The following MTR variants were observed in gnomAD, a reference collection of about 807,000 sequenced individuals.
MTR encodes methionine synthase.
In MTR, 84 loss-of-function variants were observed where a neutral mutation model predicts 154.8. The ratio of observed to expected loss-of-function variants is 0.54; its 90% confidence interval spans 0.45 to 0.65. MTR has a LOEUF of 0.65. MTR is among the 30% of genes least tolerant of loss of function. The pLI is 0.00. For synonymous variants in MTR, 554 were observed against 553.9 expected, an observed-to-expected ratio of 1.00 and a Z score of 0.00; for missense variants, 1,275 against 1,570.2, an observed-to-expected ratio of 0.81 and a Z score of 3.18.
At chr1:236,880,959 T>C in intron 25 of MTR, 123 bp downstream of exon 25, 1 of 978,818 alleles carries the variant, frequency 1.0e-6, no homozygotes, top group South Asian at 1.4e-5. Flanking sequence ...AAGAGCAGCC[T>C]GAGGCTCATG....
At chr1:236,876,770 T>A (rs560554190) in intron 24 of MTR, among the ~76,000 whole-genome samples, 1 of 152,066 alleles carries the variant, frequency 6.6e-6, no homozygotes, top group East Asian at 1.9e-4. Flanking sequence ...ATTGGCAAAA[T>A]TAGCTTGCTA....
chr1:236,825,063 G>C (rs12060264), intron 9 of MTR, among the ~76,000 whole-genome samples: 77 of 151,396 alleles, frequency 5.1e-4, no homozygotes, highest in African/African-American at 1.4e-3. Flanking sequence ...GGTGGGGTTG[G>C]GGGTATTCTG....
intron 15 of MTR, among the ~76,000 whole-genome samples, chr1:236,847,396 TG>T (rs989764738): frequency 2.6e-5 from 4 of 152,242 alleles, no homozygotes; most frequent in African/African-American, 9.6e-5. Context: ...GTGTCTGCCT[TG>T]ATGACCAAAT....
chr1:236,882,391 ATT>A (rs34832362), intron 25 of MTR, among the ~76,000 whole-genome samples: 1,589 of 134,354 alleles, frequency 0.012, 25 homozygotes, highest in African/African-American at 0.033. Flanking sequence ...CCCCTTCACC[ATT>A]TTTTTTTTTT....
At chr1:236,878,753 T>C (rs1665569750) in intron 24 of MTR, among the ~76,000 whole-genome samples, 2 of 152,190 alleles carry the variant, frequency 1.3e-5, no homozygotes, top group South Asian at 4.1e-4. Context: ...AAGAGTTCAA[T>C]AGATTTGGGG....
chr1:236,800,813 G>A (rs1164567818), intron 1 of MTR, among the ~76,000 whole-genome samples: 1 of 152,132 alleles, frequency 6.6e-6, no homozygotes, highest in Non-Finnish European at 1.5e-5. Context: ...TGACTTAAGA[G>A]GTCCAGTTCT....
In MTR at chr1:236,860,177, G is replaced by T. The variant is rs558363184; in HGVS notation, c.2043+255G>T. ...TATTACTGGCATCCTATGGCCAGGGGTGCTGCTAAACATCCTGCAGTGCCC... is the reference window on the plus strand; with the variant it reads ...TATTACTGGCATCCTATGGCCAGGGTTGCTGCTAAACATCCTGCAGTGCCC... On this transcript the variant is annotated intron_variant, in intron 19 of 32. Transcript: ENST00000366577. Among the ~76,000 whole-genome samples, 3 of 148,376 alleles carry T rather than the reference G, an allele frequency of 2.0e-5. No individual in the cohort carries two copies. The South Asian group carries it at 6.4e-4, about 32-fold the overall frequency.
At chr1:236,884,098 G>T (rs1206101284) in intron 25 of MTR, among the ~76,000 whole-genome samples, 1 of 152,072 alleles carries the variant, frequency 6.6e-6, no homozygotes, top group Admixed American at 6.5e-5. Context: ...ACAATTTAAT[G>T]AGTAGACTTC....
At position 236,811,773 on chromosome 1, in the gene MTR, C is replaced by G. The variant is rs189836549; in HGVS notation, c.503-965C>G. The G allele has an allele frequency of 8.3e-4, 367 of 440,408 alleles. 2 individuals carry two copies. The highest frequency in any genetic ancestry group is 5.8e-3 in the African/African-American group (289 of 49,534). 27.3% of individuals were successfully genotyped at this position (440,408 alleles called of 1,614,324 possible). A position where few individuals can be genotyped will look rare whatever the true frequency, so the allele number is the denominator to read the frequency against. On this transcript the variant is annotated intron_variant, in intron 5 of 32. Transcript: ENST00000366577. Reference sequence around the variant, plus strand: ...TTTAAGCAAAATGATGCATAGCAGGCCCTCAAATAATGTCATTTCCTTCAA... The same window carrying G: ...TTTAAGCAAAATGATGCATAGCAGGGCCTCAAATAATGTCATTTCCTTCAA...
intron 25 of MTR, among the ~76,000 whole-genome samples, chr1:236,884,688 G>T (rs1054192702): frequency 3.3e-5 from 5 of 152,116 alleles, no homozygotes; most frequent in Non-Finnish European, 7.3e-5. Context: ...TTTATTGGGG[G>T]TTGGTCACAT....
intron 27 of MTR, among the ~76,000 whole-genome samples, chr1:236,887,928 C>CT (rs1049057699): frequency 6.6e-6 from 1 of 152,204 alleles, no homozygotes; most frequent in Non-Finnish European, 1.5e-5. Context: ...AATCAAGGGT[C>CT]TATCTGTAGA....
chr1:236,861,277 G>A lies in MTR; in HGVS notation c.2196G>A (p.Gln732=). 1 of 1,613,742 alleles carries A rather than the reference G, an allele frequency of 6.2e-7. No homozygotes were observed. The highest frequency in any genetic ancestry group is 8.5e-7 in the Non-Finnish European group (1 of 1,179,876). ...LFGAGKMFLP[Q]VIKSARVMKK... The stretch of plus-strand genomic sequence containing the variant: ...GAGCTGGAAAAATGTTTCTACCTCA[G>A]GTTAGCAAAATATGGGGAGAAATTT... Residue 732 remains glutamine, a splice_region_variant and synonymous_variant, in exon 20 of 33, where the codon CAG becomes CAA. Coordinates refer to ENST00000366577, the MANE Select transcript of MTR (RefSeq NM_000254.3).
At chr1:236,828,040 C>T (rs775482491) in intron 11 of MTR, among the ~76,000 whole-genome samples, 18 of 151,976 alleles carry the variant, frequency 1.2e-4, no homozygotes, top group Admixed American at 7.9e-4. Context: ...TGCAGTGGTG[C>T]GATCTCGGCT....
chr1:236,888,364 A>G (rs1266818340), intron 27 of MTR, among the ~76,000 whole-genome samples: 2 of 152,258 alleles, frequency 1.3e-5, no homozygotes, highest in Non-Finnish European at 2.9e-5. Flanking sequence ...TGCCCCAGAA[A>G]GCCCAGCAGC....
At position 236,816,471 on chromosome 1, in the gene MTR, A is replaced by G. The variant is rs1288411041; in HGVS notation, c.692A>G (p.Lys231Arg). ...PIFISGTIVD[K>R]SGRTLSGQTG... ...CAGATTTCAGGGACGATCGTTGATA[A>G]AAGTGGGCGGACTCTTTCCGGACAG... Residue 231 changes from lysine to arginine, a missense_variant, in exon 8 of 33, where the codon AAA (lysine) becomes AGA (arginine). Lys to Arg is a conservative substitution (Grantham distance 26). Coordinates refer to ENST00000366577, the MANE Select transcript of MTR (RefSeq NM_000254.3). 1 of 1,614,144 alleles carries G rather than the reference A, an allele frequency of 6.2e-7. No individual in the cohort carries two copies. Among genetic ancestry groups the G allele is most frequent in the Non-Finnish European group, 8.5e-7 (1 of 1,179,988 alleles).
At chr1:236,875,978 A>G (rs1665411148) in intron 24 of MTR, among the ~76,000 whole-genome samples, 1 of 152,158 alleles carries the variant, frequency 6.6e-6, no homozygotes, top group African/African-American at 2.4e-5. Flanking sequence ...TCTTCCTTGT[A>G]GGGCTGGGGA....
chr1:236,893,192 C>T (rs944196941), intron 29 of MTR, among the ~76,000 whole-genome samples: 1 of 152,112 alleles, frequency 6.6e-6, no homozygotes, highest in Non-Finnish European at 1.5e-5. Context: ...ATTGATGGGC[C>T]GAGTATACCT....
intron 8 of MTR, among the ~76,000 whole-genome samples, chr1:236,819,473 G>A (rs760995073): frequency 5.3e-5 from 8 of 152,178 alleles, no homozygotes; most frequent in Non-Finnish European, 1.0e-4. Context: ...TTGCGAAGAT[G>A]TACGGTGGGT....
chr1:236,863,381 G>C (rs1196678148), intron 21 of MTR, 73 bp from the exon 22 acceptor site: 2 of 1,192,662 alleles, frequency 1.7e-6, no homozygotes, highest in African/African-American at 1.5e-5. Flanking sequence ...GCTGGCCCCT[G>C]CCTGGCTCTG....
Sources: gnomAD v4.1 joint callset for allele counts (sites outside exome capture counted in the v4.1 genomes callset) on GRCh38, gnomAD v4.1.1 for gene constraint, MANE v1.5 for transcripts, NCBI Gene and HGNC (gene_info 2026-07-23, HGNC 2026-07-21) for gene names.